Variants in TDRD15 observed in about 807,000 individuals in gnomAD.
The protein encoded by TDRD15 is tudor domain-containing protein 15.
For missense variants in TDRD15, 1,416 were observed against 904.7 expected, an observed-to-expected ratio of 1.57 and a Z score of -7.25; for synonymous variants, 503 against 314.5, an observed-to-expected ratio of 1.60 and a Z score of -6.34.
At position 21,143,245 on chromosome 2, in the gene TDRD15, T is replaced by C. The variant is rs1665974711; in HGVS notation, c.5778T>C (p.Ala1926=). Residue 1926 remains alanine (A), a synonymous_variant, in exon 4 of 4, where the codon GCT becomes GCC. Transcript: ENST00000405799. ...KDSPHLDAIT[A]TESAKNPI ...CACCTCATCTTGATGCAATTACTGC[T>C]ACTGAATCTGCTAAAAATCCAATAT... The C allele has an allele frequency of 3.2e-6, 2 of 617,282 alleles. No individual in the cohort carries two copies. Among genetic ancestry groups the C allele is most frequent in the Non-Finnish European group, 5.9e-6 (2 of 340,480 alleles). The allele number at this position is 617,282 out of a possible 1,614,324, so 38.2% of individuals were successfully genotyped here. A position where few individuals can be genotyped will look rare whatever the true frequency, so the allele number is the denominator to read the frequency against.
At chr2:21,124,244 C>T (rs1172832327) in intron 1 of TDRD15, among the ~76,000 whole-genome samples, 198 bp downstream of exon 1, 1 of 152,190 alleles carries the variant, frequency 6.6e-6, no homozygotes, top group Non-Finnish European at 1.5e-5. Context: ...AGATTCAGCC[C>T]TCCCACCCGG....
Position 21,140,274 on chromosome 2 carries a change from C to T in TDRD15, c.2807C>T (p.Ala936Val). The change falls in exon 4 of 4, where the codon GCT (alanine) becomes GTT (valine). Residue 936 changes from alanine to valine, a missense_variant. Transcript: ENST00000405799. ...GAATTTCTTATGAATCGTGGCTCTGCTCAGTATATCACATTATCAGAGACA... is the reference window on the plus strand; with the variant it reads ...GAATTTCTTATGAATCGTGGCTCTGTTCAGTATATCACATTATCAGAGACA... ...AKEFLMNRGS[A>V]QYITLSETFP... The T allele has an allele frequency of 1.4e-6, 1 of 715,354 alleles. No individual in the cohort carries two copies. The allele number at this position is 715,354 out of a possible 1,614,324, so 44.3% of individuals were successfully genotyped here.
rs771503255 is a variant in TDRD15 at position 21,142,301 on chromosome 2, T to G, written c.4834T>G (p.Cys1612Gly). ...DDKVLVFLVD[C>G]GIYEIVPVCN... ...TAAAGTACTTGTTTTTTTAGTAGATTGTGGTATCTATGAAATAGTACCTGT... is the reference window on the plus strand; with the variant it reads ...TAAAGTACTTGTTTTTTTAGTAGATGGTGGTATCTATGAAATAGTACCTGT... Residue 1612 changes from cysteine to glycine, a missense_variant, in exon 4 of 4, where the codon TGT becomes GGT. Cys to Gly is a radical substitution (Grantham distance 159, BLOSUM62 -3). Transcript: ENST00000405799. The G allele has an allele frequency of 2.3e-5, 16 of 689,008 alleles. No homozygotes were observed. The South Asian group carries it at 2.4e-4, about 10-fold the overall frequency. The allele number at this position is 689,008 out of a possible 1,614,324, so 42.7% of individuals were successfully genotyped here. A position where few individuals can be genotyped will look rare whatever the true frequency, so the allele number is the denominator to read the frequency against.
At chr2:21,137,089 G>A (rs1265154298) in intron 3 of TDRD15, among the ~76,000 whole-genome samples, 1 of 152,008 alleles carries the variant, frequency 6.6e-6, no homozygotes, top group East Asian at 1.9e-4. Context: ...CTCACAGGAG[G>A]AGAAGGAGGT....
chr2:21,144,605 T>C (rs1187844401), downstream of TDRD15, among the ~76,000 whole-genome samples: 1 of 151,898 alleles, frequency 6.6e-6, no homozygotes, highest in African/African-American at 2.4e-5. Context: ...TGAGTGCTTA[T>C]TATGCTTCAG....
At chr2:21,136,374 A>T (rs1213615204) in intron 3 of TDRD15, among the ~76,000 whole-genome samples, 1 of 151,916 alleles carries the variant, frequency 6.6e-6, no homozygotes, top group African/African-American at 2.4e-5. Flanking sequence ...TTATTTTCCC[A>T]TTATACTTTG....
chr2:21,129,783 A>G (rs1026706955), intron 2 of TDRD15, among the ~76,000 whole-genome samples: 4 of 152,136 alleles, frequency 2.6e-5, no homozygotes, highest in Non-Finnish European at 5.9e-5. Flanking sequence ...TGCCTAACAC[A>G]TCTTGATATG....
chr2:21,136,210 G>A (rs1163540213), intron 3 of TDRD15, among the ~76,000 whole-genome samples: 3 of 151,944 alleles, frequency 2.0e-5, no homozygotes, highest in African/African-American at 7.2e-5. Flanking sequence ...TGGGAATTGG[G>A]TGAAGGCCTG....
rs148313111 is a variant in TDRD15 at position 21,129,980 on chromosome 2, G to T, written c.-90+2269G>T. Among the ~76,000 whole-genome samples, 889 of 152,276 alleles carry T rather than the reference G, an allele frequency of 5.8e-3. 8 individuals carry two copies. The highest frequency in any genetic ancestry group is 9.2e-3 in the Non-Finnish European group (628 of 68,022). ...CATCACGTGGACAGGGGGTGAGCAT[G>T]CTAGTTCAAGTCCTTCCTCTTCTTA... is the stretch of plus-strand genomic sequence containing the variant. On this transcript the variant is annotated intron_variant, in intron 2 of 3. Transcript: ENST00000405799.
rs1355998051 is a variant in TDRD15 at position 21,143,064 on chromosome 2, A to G, written c.5597A>G (p.Lys1866Arg). 1.4e-6 allele frequency: 1 copy of G among 690,606 alleles called. No homozygotes were observed. The highest frequency in any genetic ancestry group is 2.7e-6 in the Non-Finnish European group (1 of 375,712). The allele number at this position is 690,606 out of a possible 1,614,324, so 42.8% of individuals were successfully genotyped here. A position where few individuals can be genotyped will look rare whatever the true frequency, so the allele number is the denominator to read the frequency against. Residue 1866 changes from lysine (K) to arginine (R), a missense_variant, in exon 4 of 4, where the codon AAA becomes AGA. By Grantham distance (26) the Lys-to-Arg change is conservative. Coordinates refer to ENST00000405799, the MANE Select transcript of TDRD15 (RefSeq NM_001306137.2). Reference sequence around the variant, plus strand: ...GGAAAACATTGGAGTGAAGAAGCCAAAATCTTTTTTCGAGATTTCCTAAGT... The same window carrying G: ...GGAAAACATTGGAGTGAAGAAGCCAGAATCTTTTTTCGAGATTTCCTAAGT... Reference protein sequence around the residue: ...AKGKHWSEEAKIFFRDFLSKP... With the variant: ...AKGKHWSEEARIFFRDFLSKP...
At chr2:21,131,890 G>A (rs981719026) in intron 2 of TDRD15, among the ~76,000 whole-genome samples, 9 of 152,140 alleles carry the variant, frequency 5.9e-5, no homozygotes, top group African/African-American at 2.2e-4. Context: ...GACTATAAAT[G>A]TGTCCTGAGA....
chr2:21,140,733 A>G lies in TDRD15; in HGVS notation c.3266A>G (p.Asp1089Gly), dbSNP rs1351475836. The G allele has an allele frequency of 2.8e-6, 2 of 713,904 alleles. No individual in the cohort carries two copies. Among genetic ancestry groups the G allele is most frequent in the African/African-American group, 3.5e-5 (2 of 57,028 alleles). The allele number at this position is 713,904 out of a possible 1,614,324, so 44.2% of individuals were successfully genotyped here. ...KCFLSDLRDV[D>G]IPAEISSWFK... ...TTTTTGTCAGATCTTAGGGATGTAG[A>G]TATTCCAGCAGAAATCAGTAGTTGG... is the stretch of plus-strand genomic sequence containing the variant. The change falls in exon 4 of 4, where the codon GAT becomes GGT. Residue 1089 changes from aspartate (D) to glycine (G), a missense_variant. Asp to Gly is a moderately conservative substitution (Grantham distance 94). Coordinates refer to ENST00000405799, the MANE Select transcript of TDRD15 (RefSeq NM_001306137.2).
chr2:21,125,449 T>A (rs961442546), intron 1 of TDRD15, among the ~76,000 whole-genome samples: 8 of 150,600 alleles, frequency 5.3e-5, no homozygotes, highest in Admixed American at 2.7e-4. Context: ...TGTGTGTGTG[T>A]GAGTGTGAGA....
At position 21,138,735 on chromosome 2, in the gene TDRD15, G is replaced by T; in HGVS notation, c.1268G>T (p.Cys423Phe). ...LLKTVGTQVL[C>F]PMSDSKISNI... ...AAGACTGTAGGCACACAAGTACTTTGTCCGATGTCTGATTCAAAAATCTCC... is the reference window on the plus strand; with the variant it reads ...AAGACTGTAGGCACACAAGTACTTTTTCCGATGTCTGATTCAAAAATCTCC... Residue 423 changes from cysteine (C) to phenylalanine (F), a missense_variant, in exon 4 of 4, where the codon TGT becomes TTT. Transcript: ENST00000405799. The T allele has an allele frequency of 4.2e-6, 3 of 715,932 alleles. No individual in the cohort carries two copies. The highest frequency in any genetic ancestry group is 7.8e-6 in the Non-Finnish European group (3 of 384,200). 44.3% of individuals were successfully genotyped at this position (715,932 alleles called of 1,614,324 possible).
intron 3 of TDRD15, among the ~76,000 whole-genome samples, chr2:21,135,176 A>T (rs1665786125): frequency 6.8e-6 from 1 of 147,142 alleles, no homozygotes; most frequent in African/African-American, 2.5e-5. Flanking sequence ...GATATAATAA[A>T]AAGATATATA....
chr2:21,135,594 A>G (rs1665792863), intron 3 of TDRD15, among the ~76,000 whole-genome samples: 1 of 152,036 alleles, frequency 6.6e-6, no homozygotes, highest in South Asian at 2.1e-4. Context: ...GCATATTAAT[A>G]TGCATAGGTT....
intron 2 of TDRD15, among the ~76,000 whole-genome samples, chr2:21,131,293 C>T (rs115771769): frequency 1.3e-5 from 2 of 152,278 alleles, no homozygotes; most frequent in African/African-American, 2.4e-5. Flanking sequence ...AAGATCTGTA[C>T]ATCTAACCAA....
Position 21,134,943 on chromosome 2 carries a change from G to A in TDRD15, c.-4+96G>A, listed in dbSNP as rs578105914. Reference sequence around the variant, plus strand: ...TCTTGATTTAAATTATGTCTTTAAAGTAATACATTTGTTCATTGTGTAAAA... The same window carrying A: ...TCTTGATTTAAATTATGTCTTTAAAATAATACATTTGTTCATTGTGTAAAA... On this transcript the variant is annotated intron_variant, in intron 3 of 3. Coordinates refer to ENST00000405799, the MANE Select transcript of TDRD15 (RefSeq NM_001306137.2). 1.8e-3 allele frequency: 263 copies of A among 149,506 alleles called. 1 individual carries two copies. The highest frequency in any genetic ancestry group is 5.4e-3 in the African/African-American group (223 of 41,022). The allele number at this position is 149,506 out of a possible 1,614,324, so 9.3% of individuals were successfully genotyped here. A position where few individuals can be genotyped will look rare whatever the true frequency, so the allele number is the denominator to read the frequency against.
rs1424909104 is a variant in TDRD15, at chr2:21,139,989, TTTTAATTGAAGATC to T, written c.2526_2539del (p.Ile843CysfsTer3). 5 of 715,656 alleles carry T rather than the reference TTTTAATTGAAGATC, an allele frequency of 7.0e-6. No individual in the cohort carries two copies. Among genetic ancestry groups the T allele is most frequent in the Non-Finnish European group, 1.3e-5 (5 of 383,942 alleles). 44.3% of individuals were successfully genotyped at this position (715,656 alleles called of 1,614,324 possible). A position where few individuals can be genotyped will look rare whatever the true frequency, so the allele number is the denominator to read the frequency against. ...GTTGATTATGGTTACCAAAAAAGGG[TTTTAATTGAAGATC>T]TTTGTGCAATTAACCCACGTTTTCT... On this transcript the variant is annotated frameshift_variant, in exon 4 of 4. Transcript: ENST00000405799. LOFTEE classifies it low-confidence loss of function (END_TRUNC).
Sources: gnomAD v4.1 joint callset for allele counts (sites outside exome capture counted in the v4.1 genomes callset) on GRCh38, gnomAD v4.1.1 for gene constraint, MANE v1.5 for transcripts, NCBI Gene and HGNC (gene_info 2026-07-23, HGNC 2026-07-21) for gene names.